The following PPARD variants were observed in gnomAD, a reference collection of about 807,000 sequenced individuals.
PPARD encodes peroxisome proliferator-activated receptor delta.
In PPARD, 6 loss-of-function variants were observed where a neutral mutation model predicts 39.5. The ratio of observed to expected loss-of-function variants is 0.15; its 90% confidence interval spans 0.08 to 0.30. The LOEUF is 0.30. Among genes scored for constraint, PPARD ranks in the 10% least tolerant of loss-of-function variants. The pLI, the probability that PPARD is intolerant of heterozygous loss-of-function variation, is 1.00. For missense variants in PPARD, 397 were observed against 596.8 expected, an observed-to-expected ratio of 0.67 and a Z score of 3.49; for synonymous variants, 210 against 231.3, an observed-to-expected ratio of 0.91 and a Z score of 0.83.
At chr6:35,416,402 A>ACT in intron 3 of PPARD, among the ~76,000 whole-genome samples, 1 of 150,136 alleles carries the variant, frequency 6.7e-6, no homozygotes, top group African/African-American at 2.4e-5. Flanking sequence ...AAAAAAAAAA[A>ACT]AAAAAAAACA....
At chr6:35,420,438 C>CA (rs1322550999) in intron 4 of PPARD, among the ~76,000 whole-genome samples, 157 bp downstream of exon 4, 1 of 152,208 alleles carries the variant, frequency 6.6e-6, no homozygotes, top group Non-Finnish European at 1.5e-5. Context: ...CTCCAGACCT[C>CA]AGCTCTGGGC....
At chr6:35,422,021 G>C (rs923125845) in intron 5 of PPARD, 63 bp downstream of exon 5, 4 of 1,519,712 alleles carry the variant, frequency 2.6e-6, no homozygotes, top group Non-Finnish European at 3.5e-6. Flanking sequence ...CCAAGGTCCA[G>C]GGAGCCCTTG....
rs538643486 is a variant in PPARD at position 35,398,182 on chromosome 6, GA to G, written c.-101-12803del. 2.0e-5 allele frequency among the ~76,000 whole-genome samples: 3 copies of G among 152,316 alleles called. No homozygotes were observed. The East Asian group carries it at 5.8e-4, about 29-fold the overall frequency. The stretch of plus-strand genomic sequence containing the variant: ...GGGACAGAATCTGAATTGTATTTTA[GA>G]AGGATCACTTTGACTGCTGTACAGA... On this transcript the variant is annotated intron_variant, in intron 2 of 7. Coordinates refer to ENST00000360694, the MANE Select transcript of PPARD (RefSeq NM_006238.5).
intron 4 of PPARD, 131 bp downstream of exon 4, chr6:35,420,412 C>T: frequency 2.4e-6 from 3 of 1,260,928 alleles, no homozygotes; most frequent in Non-Finnish European, 3.2e-6. Context: ...GCCCAGGAGG[C>T]AGCCAGGCCC....
chr6:35,397,935 G>A (rs531747934), intron 2 of PPARD, among the ~76,000 whole-genome samples: 43 of 152,230 alleles, frequency 2.8e-4, no homozygotes, highest in African/African-American at 1.0e-3. Flanking sequence ...TAACTGGGGA[G>A]GGGGAAGAAC....
intron 2 of PPARD, among the ~76,000 whole-genome samples, chr6:35,362,756 G>A (rs181934650): frequency 3.0e-4 from 46 of 152,242 alleles, no homozygotes; most frequent in Non-Finnish European, 5.3e-4. Flanking sequence ...CCAGGAAGAC[G>A]CCTGGAGAAT....
intron 5 of PPARD, among the ~76,000 whole-genome samples, chr6:35,422,555 CTGAG>C (rs1169450544): frequency 6.6e-6 from 1 of 152,192 alleles, no homozygotes; most frequent in African/African-American, 2.4e-5. Flanking sequence ...CAGTACCTCT[CTGAG>C]TAAGACCCCT....
chr6:35,399,285 A>G (rs1562206787), intron 2 of PPARD, among the ~76,000 whole-genome samples: 1 of 150,778 alleles, frequency 6.6e-6, no homozygotes, highest in East Asian at 1.9e-4. Flanking sequence ...CTGTAATCCC[A>G]GCTACTCTGG....
chr6:35,384,338 G>A (rs1282992739), intron 2 of PPARD, among the ~76,000 whole-genome samples: 4 of 139,826 alleles, frequency 2.9e-5, no homozygotes, highest in African/African-American at 8.3e-5. Flanking sequence ...CCGGCCAGCC[G>A]CCCCGTCTGG....
At chr6:35,391,217 G>A (rs527960291) in intron 2 of PPARD, among the ~76,000 whole-genome samples, 1 of 152,272 alleles carries the variant, frequency 6.6e-6, no homozygotes, top group South Asian at 2.1e-4. Context: ...ATCACTTAAT[G>A]ATTTAAGAGT....
At chr6:35,343,652 G>C (rs1377655541) in intron 1 of PPARD, among the ~76,000 whole-genome samples, 1 of 152,222 alleles carries the variant, frequency 6.6e-6, no homozygotes, top group Admixed American at 6.5e-5. Flanking sequence ...CAATTTGTAG[G>C]CCATTCTTCT....
chr6:35,371,439 C>T (rs1421914859), intron 2 of PPARD, among the ~76,000 whole-genome samples: 1 of 152,178 alleles, frequency 6.6e-6, no homozygotes, highest in Admixed American at 6.6e-5. Context: ...GTTCTTTTCT[C>T]CTGAAAACCA....
At position 35,366,174 on chromosome 6, in the gene PPARD, C is replaced by T. The variant is rs535803500; in HGVS notation, c.-102+19024C>T. Among the ~76,000 whole-genome samples the T allele has an allele frequency of 7.2e-5, 11 of 151,848 alleles. No homozygotes were observed. Among genetic ancestry groups the T allele is most frequent in the South Asian group, 2.1e-4 (1 of 4,826 alleles). On this transcript the variant is annotated intron_variant, in intron 2 of 7. Transcript: ENST00000360694. This position sits in a 1 kb window ranked among gnomAD's most constrained non-coding sequence, Gnocchi z 4.6. ...AACTTAGTAGCTTAAAACACTATCT[C>T]GCAGTTTCTATGGGTTAGGAGAGAT...
At chr6:35,404,409 G>A (rs59875209) in intron 2 of PPARD, among the ~76,000 whole-genome samples, 7,997 of 152,332 alleles carry the variant, frequency 0.052, 306 homozygotes, top group African/African-American at 0.1. Flanking sequence ...GATGGAGGTG[G>A]TGATCCAGCT....
At chr6:35,407,657 TATA>T (rs1057485300) in intron 2 of PPARD, among the ~76,000 whole-genome samples, 6 of 150,366 alleles carry the variant, frequency 4.0e-5, no homozygotes, top group Non-Finnish European at 5.9e-5. Flanking sequence ...AAACTTAAAG[TATA>T]ATAATAATAA....
chr6:35,398,044 A>T (rs1018163511), intron 2 of PPARD, among the ~76,000 whole-genome samples: 1 of 152,124 alleles, frequency 6.6e-6, no homozygotes, highest in Non-Finnish European at 1.5e-5. Context: ...TACTTAATAT[A>T]CCAGAAGGAG....
Position 35,374,338 on chromosome 6 carries a change from T to C in PPARD, c.-102+27188T>C, listed in dbSNP as rs190910788. ...CGGGGGGGTTTAGTGGGCAATTGCT[T>C]TTTGGATTTTTGTTTTGTTTTAGAA... On this transcript the variant is annotated intron_variant, in intron 2 of 7. Transcript: ENST00000360694. 2.0e-5 allele frequency among the ~76,000 whole-genome samples: 3 copies of C among 151,298 alleles called. No homozygotes were observed. In the East Asian group the frequency reaches 5.8e-4, roughly 29 times the overall value.
chr6:35,352,595 T>C (rs1042739717), intron 2 of PPARD, among the ~76,000 whole-genome samples: 1 of 152,252 alleles, frequency 6.6e-6, no homozygotes, highest in Non-Finnish European at 1.5e-5. Flanking sequence ...TTCATGGTTC[T>C]GTGGATTAAC....
At position 35,420,122 on chromosome 6, in the gene PPARD, C is replaced by T. The variant is rs199957617; in HGVS notation, c.131-5C>T. 1.6e-5 allele frequency: 26 copies of T among 1,611,338 alleles called. No individual in the cohort carries two copies. The highest frequency in any genetic ancestry group is 8.3e-5 in the Admixed American group (5 of 59,886). On this transcript the variant is annotated splice_region_variant and splice_polypyrimidine_tract_variant and intron_variant, in intron 3 of 7. Transcript: ENST00000360694. ...TGGAGCTGCCCCTCCATCGTGTGTCCGCAGACCTCTCCCGGAGCTCCTCGC... is the reference window on the plus strand; with the variant it reads ...TGGAGCTGCCCCTCCATCGTGTGTCTGCAGACCTCTCCCGGAGCTCCTCGC...
Sources: allele counts gnomAD v4.1 joint callset (sites outside exome capture counted in the v4.1 genomes callset), GRCh38; gene constraint gnomAD v4.1.1; non-coding constraint Gnocchi (gnomAD v3.1); transcripts MANE v1.5; gene names NCBI Gene and HGNC (gene_info 2026-07-23, HGNC 2026-07-21).